Variants in CEP95 observed in about 807,000 individuals in gnomAD.
CEP95 encodes centrosomal protein of 95 kDa.
A neutral mutation model predicts 111.2 loss-of-function variants in CEP95; 98 were observed. That is an observed-to-expected ratio of 0.88 (90% CI 0.75 to 1.04). CEP95 has a LOEUF of 1.04. CEP95 is among the 50% of genes least tolerant of loss of function. CEP95 has a pLI of 0.00. For missense variants in CEP95, 1,027 were observed against 977.2 expected (o/e 1.05, Z -0.68); for synonymous variants, 323 against 327.1 (o/e 0.99, Z 0.14).
chr17:64,523,857 C>T (rs1967572352), intron 8 of CEP95, among the ~76,000 whole-genome samples: 1 of 152,140 alleles, frequency 6.6e-6, no homozygotes, highest in Non-Finnish European at 1.5e-5. Flanking sequence ...CACACCACTG[C>T]ATTCCAGCCT....
chr17:64,529,172 T>G lies in CEP95; in HGVS notation c.1307-116T>G, dbSNP rs1968082339. On this transcript the variant is annotated intron_variant, in intron 11 of 19. Coordinates refer to ENST00000556440, the MANE Select transcript of CEP95 (RefSeq NM_138363.3). Reference sequence around the variant, plus strand: ...AATTCAAGTTAGTTACAGGAGAGAGTCCCTTTAGCACATTCACTCATCAGT... The same window carrying G: ...AATTCAAGTTAGTTACAGGAGAGAGGCCCTTTAGCACATTCACTCATCAGT... The G allele has an allele frequency of 3.6e-6, 3 of 830,526 alleles. No individual in the cohort carries two copies. In the South Asian group the frequency reaches 5.5e-5, roughly 15 times the overall value. 51.4% of individuals were successfully genotyped at this position (830,526 alleles called of 1,614,324 possible).
intron 3 of CEP95, among the ~76,000 whole-genome samples, 186 bp downstream of exon 3, chr17:64,510,466 A>G (rs1320440460): frequency 2.0e-5 from 3 of 152,242 alleles, no homozygotes; most frequent in Admixed American, 2.0e-4. Flanking sequence ...AGAGCTGAAC[A>G]TTGATTTTGC....
intron 17 of CEP95, 191 bp downstream of exon 17, chr17:64,534,928 C>G (rs573630649): frequency 1.7e-6 from 1 of 601,934 alleles, no homozygotes; most frequent in South Asian, 1.9e-5. Flanking sequence ...CGTCCATTCT[C>G]AGTCTCCGTG....
chr17:64,536,534 A>C (rs1968667959), intron 17 of CEP95, 68 bp from the exon 18 acceptor site: 295 of 907,360 alleles, frequency 3.3e-4, no homozygotes, highest in Non-Finnish European at 4.4e-4. Context: ...AAATACAATC[A>C]GTATATACCT....
chr17:64,532,657 A>G, intron 14 of CEP95, 182 bp from the exon 15 acceptor site: 30 of 1,410,938 alleles, frequency 2.1e-5, no homozygotes, highest in Non-Finnish European at 2.8e-5. Flanking sequence ...GCTTATTTTT[A>G]TCCTTACCAG....
intron 3 of CEP95, among the ~76,000 whole-genome samples, chr17:64,513,277 A>C (rs934366699): frequency 1.3e-5 from 2 of 152,132 alleles, no homozygotes; most frequent in Non-Finnish European, 2.9e-5. Flanking sequence ...AAATTTCTAC[A>C]CTGCTTTTCC....
At position 64,519,338 on chromosome 17, in the gene CEP95, A is replaced by C. The variant is rs1555677140; in HGVS notation, c.491A>C (p.Glu164Ala). The C allele has an allele frequency of 6.2e-7, 1 of 1,613,544 alleles. No homozygotes were observed. Among genetic ancestry groups the C allele is most frequent in the South Asian group, 1.1e-5 (1 of 91,066 alleles). Residue 164 changes from glutamate to alanine, a missense_variant, in exon 6 of 20, where the codon GAG (glutamate) becomes GCG (alanine). Coordinates refer to ENST00000556440, the MANE Select transcript of CEP95 (RefSeq NM_138363.3). ...VSFGRCSLSS[E>A]MLGPSWDGDE... ...TTTTCCAGGTGCTCCTTGTCTTCTG[A>C]GATGTTGGGCCCCTCTTGGGATGGA...
chr17:64,526,032 CCTAG>C (rs782241132), intron 9 of CEP95, 35 bp from the exon 10 acceptor site: 83 of 1,593,778 alleles, frequency 5.2e-5, no homozygotes, highest in Non-Finnish European at 6.9e-5. Context: ...ATAATAGACA[CCTAG>C]CTATTTTACT....
rs1357594752 is a variant in CEP95 at position 64,534,487 on chromosome 17, C to T, written c.1918-98C>T. On this transcript the variant is annotated intron_variant, in intron 16 of 19. Transcript: ENST00000556440. ...TGGCCCCCCACACGTGACATACTGCCTGAAGACATCGTGATGGGGAGTGAG... is the reference window on the plus strand; with the variant it reads ...TGGCCCCCCACACGTGACATACTGCTTGAAGACATCGTGATGGGGAGTGAG... The T allele has an allele frequency of 9.7e-6, 11 of 1,130,928 alleles. No individual in the cohort carries two copies. The African/African-American group carries it at 1.5e-4, about 16-fold the overall frequency. The allele number at this position is 1,130,928 out of a possible 1,614,324, so 70.1% of individuals were successfully genotyped here. A position where few individuals can be genotyped will look rare whatever the true frequency, so the allele number is the denominator to read the frequency against.
chr17:64,513,352 A>C (rs782513570), intron 3 of CEP95, among the ~76,000 whole-genome samples: 2 of 152,162 alleles, frequency 1.3e-5, no homozygotes, highest in Non-Finnish European at 2.9e-5. Context: ...GAGTGTCACA[A>C]GGGTTAAGTA....
chr17:64,529,258 CT>C, intron 11 of CEP95, 29 bp from the exon 12 acceptor site: 1 of 1,590,282 alleles, frequency 6.3e-7, no homozygotes, highest in Non-Finnish European at 8.5e-7. Flanking sequence ...CTATCAGGAA[CT>C]AATGTTATAT....
At chr17:64,518,653 T>C (rs1967062942) in intron 5 of CEP95, among the ~76,000 whole-genome samples, 1 of 152,162 alleles carries the variant, frequency 6.6e-6, no homozygotes, top group Admixed American at 6.5e-5. Flanking sequence ...TTGTAAAAAA[T>C]GTGTCTCAGA....
At chr17:64,529,069 A>G (rs1421484426) in intron 11 of CEP95, among the ~76,000 whole-genome samples, 1 of 152,194 alleles carries the variant, frequency 6.6e-6, no homozygotes, top group African/African-American at 2.4e-5. Context: ...TGAATATCCA[A>G]AGTTGAATGT....
chr17:64,521,512 T>A lies in CEP95; in HGVS notation c.700T>A (p.Ser234Thr), dbSNP rs1967334331. The stretch of plus-strand genomic sequence containing the variant: ...TAGTGTTTTGTCCAAGAGTAGGACA[T>A]CCTTTGTTGAAGACAGTGAGTTGTA... Reference protein sequence around the residue: ...PPSVLSKSRTSFVEDTETLSV... With the variant: ...PPSVLSKSRTTFVEDTETLSV... The change falls in exon 7 of 20, where the codon TCC becomes ACC. Residue 234 changes from serine (S) to threonine (T), a missense_variant. By Grantham distance (58) the Ser-to-Thr change is moderately conservative (BLOSUM62 1). Transcript: ENST00000556440. 6.2e-7 allele frequency: 1 copy of A among 1,611,416 alleles called. No individual in the cohort carries two copies. Among genetic ancestry groups the A allele is most frequent in the Non-Finnish European group, 8.5e-7 (1 of 1,178,676 alleles).
chr17:64,508,082 C>T (rs1568116889), intron 1 of CEP95: 2 of 985,274 alleles, frequency 2.0e-6, no homozygotes, highest in Non-Finnish European at 1.2e-6. Context: ...TATACCAGTT[C>T]TTAACAGCCT....
intron 17 of CEP95, 199 bp from the exon 18 acceptor site, chr17:64,536,403 T>C: frequency 2.7e-6 from 1 of 370,614 alleles, no homozygotes; most frequent in Non-Finnish European, 4.9e-6. Flanking sequence ...GAGTTGTGAC[T>C]GCCCCACTAC....
At chr17:64,510,095 A>G (rs1555674412) in intron 2 of CEP95, 78 bp from the exon 3 acceptor site, 1 of 759,656 alleles carries the variant, frequency 1.3e-6, no homozygotes, top group Non-Finnish European at 2.3e-6. Context: ...GAGCATATTC[A>G]GTAGCCTAGT....
At chr17:64,529,570 A>T in intron 12 of CEP95, 143 bp downstream of exon 12, 1 of 815,410 alleles carries the variant, frequency 1.2e-6, no homozygotes, top group Admixed American at 3.0e-5. Context: ...GAGCTATGTG[A>T]CATAGCTTAT....
intron 3 of CEP95, among the ~76,000 whole-genome samples, chr17:64,510,713 C>G (rs2038847142): frequency 1.3e-5 from 2 of 152,112 alleles, no homozygotes. Context: ...CCATGCCTGG[C>G]TAATTTTTTC....
Sources: allele counts gnomAD v4.1 joint callset (sites outside exome capture counted in the v4.1 genomes callset), GRCh38; gene constraint gnomAD v4.1.1; transcripts MANE v1.5; gene names NCBI Gene and HGNC (gene_info 2026-07-23, HGNC 2026-07-21).